RIN2: variants seen among roughly 807,000 people sequenced by gnomAD.
The protein encoded by RIN2 is Ras and Rab interactor 2.
In RIN2, 36 loss-of-function variants were observed where a neutral mutation model predicts 78.0. The observed-to-expected ratio is 0.46, with a 90% confidence interval of 0.35 to 0.61. RIN2 has a LOEUF of 0.61. Among genes scored for constraint, RIN2 ranks in the 20% least tolerant of loss-of-function variants. The probability of loss-of-function intolerance (pLI) is 0.00; values close to 1 mark genes in which losing one functional copy is unlikely to be tolerated. For missense variants in RIN2, 1,087 were observed against 1,159.7 expected (o/e 0.94, Z 0.91); for synonymous variants, 466 against 466.8 (o/e 1.00, Z 0.02).
intron 2 of RIN2, among the ~76,000 whole-genome samples, chr20:19,880,382 G>A (rs1017705264): frequency 6.8e-6 from 1 of 146,976 alleles, no homozygotes; most frequent in Non-Finnish European, 1.5e-5. Flanking sequence ...ATGCTTTAGA[G>A]GAAGTCATTC....
At chr20:19,957,816 A>G (rs535764557) in intron 5 of RIN2, among the ~76,000 whole-genome samples, 2 of 152,356 alleles carry the variant, frequency 1.3e-5, no homozygotes, top group South Asian at 4.1e-4. Flanking sequence ...GCCACATTTT[A>G]AGTGCTCTCT....
rs190215464 is a variant in RIN2 at position 19,870,196 on chromosome 20, T to C, written c.-36-19370T>C. 4.9e-3 allele frequency among the ~76,000 whole-genome samples: 747 copies of C among 152,312 alleles called. 4 individuals are homozygous for C. Among genetic ancestry groups the C allele is most frequent in the Non-Finnish European group, 8.0e-3 (542 of 68,020 alleles). On this transcript the variant is annotated intron_variant, in intron 2 of 12. Coordinates refer to ENST00000255006, the MANE Select transcript of RIN2 (RefSeq NM_018993.4). ...AGTTCGATGACCCAAGAATGGAGCCTAATCATCATATGATACTTTGATCTA... is the reference window on the plus strand; with the variant it reads ...AGTTCGATGACCCAAGAATGGAGCCCAATCATCATATGATACTTTGATCTA...
At chr20:19,889,868 C>T (rs1028778897) in intron 3 of RIN2, among the ~76,000 whole-genome samples, 4 of 152,132 alleles carry the variant, frequency 2.6e-5, no homozygotes, top group Admixed American at 6.5e-5. Flanking sequence ...GCACAGGACT[C>T]GGGCACGGAG....
chr20:19,973,370 G>C (rs2042166954), intron 8 of RIN2, among the ~76,000 whole-genome samples: 1 of 152,166 alleles, frequency 6.6e-6, no homozygotes, highest in Admixed American at 6.5e-5. Context: ...AGGTGACACG[G>C]CTGTCACCAC....
At chr20:19,876,901 C>CA (rs11483125) in intron 2 of RIN2, among the ~76,000 whole-genome samples, 70,712 of 142,374 alleles carry the variant, frequency 0.5, 17,543 homozygotes, top group East Asian at 0.63. Flanking sequence ...GACTCCATCT[C>CA]AAAAAAAAAA....
intron 1 of RIN2, among the ~76,000 whole-genome samples, chr20:19,771,971 C>T (rs1224036609): frequency 6.6e-6 from 1 of 152,188 alleles, no homozygotes; most frequent in Non-Finnish European, 1.5e-5. Flanking sequence ...ACTTCCATGA[C>T]TCCCAAACAC....
At chr20:19,888,649 C>G (rs538380634) in intron 2 of RIN2, among the ~76,000 whole-genome samples, 2 of 152,130 alleles carry the variant, frequency 1.3e-5, no homozygotes, top group Admixed American at 1.3e-4. Flanking sequence ...CATGTTATGG[C>G]GAGAAGGGAT....
At chr20:19,963,357 T>C (rs930691330) in intron 6 of RIN2, among the ~76,000 whole-genome samples, 2 of 152,000 alleles carry the variant, frequency 1.3e-5, no homozygotes, top group Admixed American at 6.6e-5. Flanking sequence ...CTCACACCTG[T>C]AATCCCAGCA....
At chr20:19,892,445 A>G (rs144057235) in intron 3 of RIN2, among the ~76,000 whole-genome samples, 5,392 of 152,012 alleles carry the variant, frequency 0.035, 117 homozygotes, top group East Asian at 0.067. Flanking sequence ...CGAACTCCTG[A>G]CCTCGTGATC....
At chr20:19,922,532 G>T (rs1403765601) in intron 3 of RIN2, among the ~76,000 whole-genome samples, 1 of 152,158 alleles carries the variant, frequency 6.6e-6, no homozygotes, top group African/African-American at 2.4e-5. Context: ...GATAAAAAAG[G>T]TCCATAGCTT....
Position 20,000,806 on chromosome 20 carries a change from C to G in RIN2, c.2558C>G (p.Pro853Arg). The change falls in exon 13 of 13, where the codon CCT becomes CGT. Residue 853 changes from proline (P) to arginine (R), a missense_variant. Physicochemically the swap from Pro to Arg is moderately radical, Grantham distance 103 (BLOSUM62 -2). Around this residue, in one of 8 missense-constraint regions of RIN2, gnomAD observed 160 missense variants for 179.4 expected, o/e 0.89. Transcript: ENST00000255006. ...CAGCAGCTGGCAGAGGACACTTACC[C>G]TCAAAAAATCAAGGCGGAGCTGCAC... The part of the protein sequence containing the change: ...TWQQLAEDTY[P>R]QKIKAELHSR... 1 of 1,613,976 alleles carries G rather than the reference C, an allele frequency of 6.2e-7. No individual in the cohort carries two copies. The highest frequency in any genetic ancestry group is 8.5e-7 in the Non-Finnish European group (1 of 1,179,884).
chr20:19,824,868 T>C (rs1235948332), intron 2 of RIN2, among the ~76,000 whole-genome samples: 1 of 152,154 alleles, frequency 6.6e-6, no homozygotes, highest in East Asian at 1.9e-4. Context: ...TATATCACTG[T>C]TGGGATGCTG....
At chr20:19,946,979 C>T (rs1441140753) in intron 4 of RIN2, among the ~76,000 whole-genome samples, 1 of 145,356 alleles carries the variant, frequency 6.9e-6, no homozygotes, top group African/African-American at 2.6e-5. Context: ...TGCAGTGAGC[C>T]GAGATCGTAC....
Position 19,935,147 on chromosome 20 carries a change from G to T in RIN2, c.106G>T (p.Val36Leu), listed in dbSNP as rs765060059. The change falls in exon 4 of 13, where the codon GTG becomes TTG. Residue 36 changes from valine (V) to leucine (L), a missense_variant. Physicochemically the swap from Val to Leu is conservative, Grantham distance 32. This residue lies in a region of RIN2 where 706 missense variants were observed against 667.5 expected (regional missense o/e 1.06). Transcript: ENST00000255006. ...SEIGELKQEM[V>L]RTDVNLENGL... The stretch of plus-strand genomic sequence containing the variant: ...GATCGGAGAACTGAAACAGGAGATG[G>T]TGCGGACAGATGTCAACCTGGAAAA... 3.6e-5 allele frequency: 57 copies of T among 1,604,898 alleles called. No homozygotes were observed. The highest frequency in any genetic ancestry group is 1.0e-4 in the Admixed American group (6 of 58,862).
chr20:19,904,240 A>AAATAT (rs1555787883), intron 3 of RIN2, among the ~76,000 whole-genome samples: 1 of 91,692 alleles, frequency 1.1e-5, no homozygotes, highest in South Asian at 3.2e-4. Context: ...TCAAAAAAAA[A>AAATAT]ATATATATAT....
At chr20:19,804,431 C>G (rs2035340773) in intron 2 of RIN2, among the ~76,000 whole-genome samples, 1 of 152,096 alleles carries the variant, frequency 6.6e-6, no homozygotes, top group South Asian at 2.1e-4. Context: ...CTATTGGATG[C>G]CTTTTCTACA....
chr20:19,965,965 T>C (rs2041925403), intron 7 of RIN2, among the ~76,000 whole-genome samples: 1 of 152,214 alleles, frequency 6.6e-6, no homozygotes, highest in Non-Finnish European at 1.5e-5. Flanking sequence ...AAAGGCTTTC[T>C]TTCTTTCTTT....
chr20:19,889,366 G>A (rs2038337735), intron 2 of RIN2, 200 bp from the exon 3 acceptor site: 12 of 1,232,372 alleles, frequency 9.7e-6, no homozygotes, highest in Admixed American at 3.9e-5. Context: ...GTGGGCTGGC[G>A]AGGTGGGGCA....
intron 3 of RIN2, among the ~76,000 whole-genome samples, chr20:19,899,175 T>C (rs1454730516): frequency 6.6e-6 from 1 of 152,182 alleles, no homozygotes; most frequent in Non-Finnish European, 1.5e-5. Flanking sequence ...AAATCAAATG[T>C]CTTCAATGAG....
Sources: gnomAD v4.1 joint callset for allele counts (sites outside exome capture counted in the v4.1 genomes callset) on GRCh38, gnomAD v4.1.1 for gene constraint, gnomAD v4.1.1 regional missense constraint, MANE v1.5 for transcripts, NCBI Gene and HGNC (gene_info 2026-07-23, HGNC 2026-07-21) for gene names.